RANBP17: variants seen among roughly 807,000 people sequenced by gnomAD.
The protein encoded by RANBP17 is ran-binding protein 17.
A neutral mutation model predicts 141.2 loss-of-function variants in RANBP17; 158 were observed. The ratio of observed to expected loss-of-function variants is 1.12; its 90% CI spans 0.98 to 1.28. The LOEUF (loss-of-function observed/expected upper bound fraction) is 1.28. Among genes scored for constraint, RANBP17 ranks in the 50% most tolerant of loss-of-function variants. RANBP17 has a pLI of 0.00. For missense variants in RANBP17, 1,438 were observed against 1,290.7 expected (o/e 1.11, Z -1.75); for synonymous variants, 430 against 450.0 (o/e 0.96, Z 0.56).
chr5:170,989,767 A>T (rs1020335368), intron 14 of RANBP17, among the ~76,000 whole-genome samples: 2 of 151,712 alleles, frequency 1.3e-5, no homozygotes, highest in African/African-American at 4.8e-5. Flanking sequence ...TTCTTATCTA[A>T]TATCCAGGAA....
intron 14 of RANBP17, among the ~76,000 whole-genome samples, chr5:171,061,929 C>CT (rs1211284838): frequency 6.6e-6 from 1 of 151,970 alleles, no homozygotes; most frequent in Non-Finnish European, 1.5e-5. Context: ...TTCTTTGTCT[C>CT]TTTTGATCTT....
At chr5:170,921,021 T>G (rs1216548163) in intron 11 of RANBP17, among the ~76,000 whole-genome samples, 2 of 152,224 alleles carry the variant, frequency 1.3e-5, no homozygotes, top group Non-Finnish European at 2.9e-5. Context: ...TTGCAAAGAT[T>G]TTCTCCCATT....
intron 5 of RANBP17, among the ~76,000 whole-genome samples, chr5:170,902,016 T>C (rs755138112): frequency 6.6e-6 from 1 of 152,164 alleles, no homozygotes; most frequent in Non-Finnish European, 1.5e-5. Flanking sequence ...TGCTCTTCTC[T>C]AGGAGTATCT....
chr5:170,922,529 C>A (rs1051000532), intron 11 of RANBP17, among the ~76,000 whole-genome samples: 3 of 152,148 alleles, frequency 2.0e-5, no homozygotes, highest in Non-Finnish European at 4.4e-5. Context: ...CAATGGCGGA[C>A]CCCCCTTCCC....
At chr5:171,220,874 T>A (rs1030147164) in intron 21 of RANBP17, among the ~76,000 whole-genome samples, 6 of 152,252 alleles carry the variant, frequency 3.9e-5, no homozygotes, top group Non-Finnish European at 5.9e-5. Flanking sequence ...ATTTCTTTAA[T>A]CAGAACTTGT....
chr5:171,011,672 C>T (rs998472770), intron 14 of RANBP17, among the ~76,000 whole-genome samples: 3 of 151,830 alleles, frequency 2.0e-5, no homozygotes, highest in African/African-American at 7.3e-5. Flanking sequence ...TACATAACAT[C>T]ATGAGAGTTA....
intron 14 of RANBP17, among the ~76,000 whole-genome samples, chr5:171,078,995 G>A (rs569133957): frequency 6.6e-6 from 1 of 152,264 alleles, no homozygotes; most frequent in Admixed American, 6.5e-5. Flanking sequence ...TTTCTCTGAT[G>A]GATCTGGGCA....
chr5:171,128,912 T>C (rs1411274156), intron 14 of RANBP17, among the ~76,000 whole-genome samples: 1 of 152,214 alleles, frequency 6.6e-6, no homozygotes, highest in Non-Finnish European at 1.5e-5. Flanking sequence ...ATTTGCCTAT[T>C]TATTCTTTCA....
At chr5:170,965,083 T>A (rs937507162) in intron 13 of RANBP17, among the ~76,000 whole-genome samples, 1 of 152,166 alleles carries the variant, frequency 6.6e-6, no homozygotes, top group Non-Finnish European at 1.5e-5. Flanking sequence ...TTTTAATGAC[T>A]GCCATTCTAA....
intron 14 of RANBP17, among the ~76,000 whole-genome samples, chr5:171,088,335 G>C (rs1023232081): frequency 6.6e-6 from 1 of 152,164 alleles, no homozygotes; most frequent in African/African-American, 2.4e-5. Context: ...GAGATTCGCT[G>C]TTGGTTTGGT....
At chr5:171,273,451 A>G (rs1767257044) in intron 25 of RANBP17, among the ~76,000 whole-genome samples, 2 of 152,182 alleles carry the variant, frequency 1.3e-5, no homozygotes, top group Admixed American at 6.5e-5. Context: ...GGTAGACATG[A>G]AGGAATCCTC....
chr5:171,159,456 C>T (rs1759162008), intron 14 of RANBP17, among the ~76,000 whole-genome samples: 2 of 152,160 alleles, frequency 1.3e-5, no homozygotes. Flanking sequence ...CAACCTAGAA[C>T]CAATAGTCTA....
At chr5:171,251,070 T>C (rs1189828473) in intron 24 of RANBP17, among the ~76,000 whole-genome samples, 1 of 152,232 alleles carries the variant, frequency 6.6e-6, no homozygotes, top group Admixed American at 6.5e-5. Flanking sequence ...GACCATATGT[T>C]AAGCCACAAA....
At chr5:171,260,566 TGGAA>T (rs895805085) in intron 24 of RANBP17, among the ~76,000 whole-genome samples, 8 of 150,730 alleles carry the variant, frequency 5.3e-5, no homozygotes, top group Admixed American at 3.3e-4. Flanking sequence ...CATGGTAAGA[TGGAA>T]GGAAAAAATT....
At chr5:171,248,398 C>T (rs905057359) in intron 24 of RANBP17, among the ~76,000 whole-genome samples, 2 of 149,616 alleles carry the variant, frequency 1.3e-5, no homozygotes, top group Admixed American at 6.7e-5. Flanking sequence ...TCACAGGAAA[C>T]ATTTAAGGCA....
intron 5 of RANBP17, chr5:170,903,538 CT>C: frequency 4.4e-6 from 1 of 225,910 alleles, no homozygotes. Flanking sequence ...CGGCACATTT[CT>C]TTTAAAGGTG....
At chr5:170,947,508 G>C (rs1774859423) in intron 12 of RANBP17, among the ~76,000 whole-genome samples, 1 of 152,052 alleles carries the variant, frequency 6.6e-6, no homozygotes, top group Non-Finnish European at 1.5e-5. Context: ...ATGCTGGGGG[G>C]GATTGTATTA....
chr5:171,222,185 T>G (rs998010864), intron 22 of RANBP17, among the ~76,000 whole-genome samples: 4 of 152,228 alleles, frequency 2.6e-5, no homozygotes, highest in African/African-American at 9.6e-5. Context: ...AAGGAATGCT[T>G]AAAGCAGAAT....
chr5:171,269,502 G>C (rs574427528), intron 25 of RANBP17, among the ~76,000 whole-genome samples: 6 of 152,248 alleles, frequency 3.9e-5, no homozygotes, highest in African/African-American at 1.4e-4. Context: ...TGAAAAAGAG[G>C]GAGTGGGCCA....
Sources: gnomAD v4.1 joint callset for allele counts (sites outside exome capture counted in the v4.1 genomes callset) on GRCh38, gnomAD v4.1.1 for gene constraint, MANE v1.5 for transcripts, NCBI Gene and HGNC (gene_info 2026-07-23, HGNC 2026-07-21) for gene names.